The following VTI1A variants were observed in gnomAD, a reference collection of about 807,000 sequenced individuals.
VTI1A encodes the protein vesicle transport through interaction with t-SNAREs homolog 1A.
VTI1A carries 22 observed loss-of-function variants against 34.9 expected under a neutral mutation model. That is an observed-to-expected ratio of 0.63 (90% CI 0.45 to 0.90). VTI1A has a LOEUF of 0.90. Ranked by LOEUF, VTI1A falls within the 40% of genes least tolerant of loss-of-function variation. VTI1A has a pLI of 0.00. For synonymous variants in VTI1A, 87 were observed against 97.3 expected, an observed-to-expected ratio of 0.89 and a Z score of 0.62; for missense variants, 268 against 275.6, an observed-to-expected ratio of 0.97 and a Z score of 0.20.
At chr10:112,826,723 C>G in the VTI1A span, 2 of 152,160 alleles carry the variant, frequency 1.3e-5, no homozygotes, top group African/African-American at 4.8e-5. Flanking sequence ...ACTTAGGTTT[C>G]CAGGAAGAAG....
chr10:112,737,078 CT>C (rs903794612), intron 7 of VTI1A: 8,159 of 296,420 alleles, frequency 0.028, no homozygotes, highest in South Asian at 0.053. Flanking sequence ...TTTTCTTTTT[CT>C]TTTTTTTTTT....
chr10:112,821,187 A>C (rs1049957757), downstream of VTI1A, among the ~76,000 whole-genome samples: 6 of 152,254 alleles, frequency 3.9e-5, no homozygotes, highest in African/African-American at 1.4e-4. Context: ...CCTTCCCTTC[A>C]TCCAAACAAG....
At chr10:112,536,861 T>A (rs553076426) in intron 4 of VTI1A, among the ~76,000 whole-genome samples, 65 of 149,736 alleles carry the variant, frequency 4.3e-4, no homozygotes, top group South Asian at 1.1e-3. Flanking sequence ...AATAAGGAAA[T>A]CACGTTGTGA....
intron 7 of VTI1A, among the ~76,000 whole-genome samples, chr10:112,801,339 C>T (rs1365443189): frequency 6.6e-6 from 1 of 152,136 alleles, no homozygotes; most frequent in African/African-American, 2.4e-5. Context: ...TAATACTTAA[C>T]ATAATTATAA....
chr10:112,726,630 A>AT (rs1850037369), intron 7 of VTI1A, among the ~76,000 whole-genome samples: 1 of 152,340 alleles, frequency 6.6e-6, no homozygotes. Flanking sequence ...TATCTTAACC[A>AT]TTTTGAGGCC....
At chr10:112,717,748 G>A (rs7896021) in intron 7 of VTI1A, among the ~76,000 whole-genome samples, 2 of 152,008 alleles carry the variant, frequency 1.3e-5, no homozygotes, top group Non-Finnish European at 1.5e-5. Context: ...CAAGACAGTC[G>A]CAAGGGCCTG....
chr10:112,554,023 C>A (rs1275268706), intron 5 of VTI1A, among the ~76,000 whole-genome samples: 1 of 152,134 alleles, frequency 6.6e-6, no homozygotes, highest in African/African-American at 2.4e-5. Flanking sequence ...TTGTGATCTT[C>A]TAGTTTTTGT....
In VTI1A at chr10:112,576,309, C is replaced by T. The variant is rs925339079; in HGVS notation, c.427+37979C>T. On this transcript the variant is annotated intron_variant, in intron 5 of 7. Transcript: ENST00000393077. Reference sequence around the variant, plus strand: ...TGCTGGGATTACAGGCGTGAGCCACCGCGCCCGGCCCCCTGCCTCTTCTAA... The same window carrying T: ...TGCTGGGATTACAGGCGTGAGCCACTGCGCCCGGCCCCCTGCCTCTTCTAA... Among the ~76,000 whole-genome samples the T allele has an allele frequency of 2.0e-4, 30 of 152,176 alleles. No individual in the cohort carries two copies. In the East Asian group the frequency reaches 2.7e-3, roughly 14 times the overall value.
At chr10:112,683,385 A>G (rs1848286837) in intron 7 of VTI1A, among the ~76,000 whole-genome samples, 2 of 152,232 alleles carry the variant, frequency 1.3e-5, no homozygotes, top group Non-Finnish European at 2.9e-5. Context: ...TTGGTAGACT[A>G]TAGGCAGAAA....
At chr10:112,789,763 TTC>T (rs1204295489) in intron 7 of VTI1A, among the ~76,000 whole-genome samples, 14 of 152,208 alleles carry the variant, frequency 9.2e-5, no homozygotes, top group Non-Finnish European at 1.6e-4. Context: ...CTGTTGAGAT[TTC>T]TTCTTTGTTG....
intron 5 of VTI1A, among the ~76,000 whole-genome samples, chr10:112,618,504 T>TAGAGAG (rs1222432434): frequency 5.1e-5 from 2 of 38,854 alleles, no homozygotes; most frequent in African/African-American, 1.1e-4. Context: ...TATATATATA[T>TAGAGAG]ATATATATAT....
At chr10:112,665,379 A>G (rs1004944111) in intron 5 of VTI1A, among the ~76,000 whole-genome samples, 1 of 152,012 alleles carries the variant, frequency 6.6e-6, no homozygotes, top group Non-Finnish European at 1.5e-5. Context: ...ATTGTGATAT[A>G]TTTGGCCTGA....
At chr10:112,489,100 T>TTC (rs1848738939) in intron 3 of VTI1A, among the ~76,000 whole-genome samples, 6 of 152,288 alleles carry the variant, frequency 3.9e-5, no homozygotes, top group Admixed American at 3.9e-4. Flanking sequence ...ACCCTGGAGT[T>TTC]TCTGATTCTG....
At chr10:112,667,471 A>G (rs1276307038) in intron 5 of VTI1A, among the ~76,000 whole-genome samples, 1 of 152,192 alleles carries the variant, frequency 6.6e-6, no homozygotes, top group African/African-American at 2.4e-5. Flanking sequence ...TCAACCAAAT[A>G]AGATGATCAT....
intron 1 of VTI1A, among the ~76,000 whole-genome samples, chr10:112,458,355 G>A (rs1847611158): frequency 1.3e-5 from 2 of 152,164 alleles, no homozygotes; most frequent in South Asian, 4.1e-4. Context: ...CTGTAACTGT[G>A]TGAAGATACT....
the VTI1A span, among the ~76,000 whole-genome samples, chr10:112,844,804 C>T: frequency 0.21 from 32,391 of 152,106 alleles, 3,790 homozygotes; most frequent in Middle Eastern, 0.28. Flanking sequence ...AACTGTGCAG[C>T]GCAAAATTTC....
chr10:112,633,928 C>G (rs767155744), intron 5 of VTI1A, among the ~76,000 whole-genome samples: 53 of 151,364 alleles, frequency 3.5e-4, no homozygotes, highest in Non-Finnish European at 1.6e-4. Flanking sequence ...GAAAAAGGAT[C>G]ACAGTTAACT....
At chr10:112,673,239 T>TGGGAGGCGAAAGGTTGCA (rs1258422106) in intron 7 of VTI1A, among the ~76,000 whole-genome samples, 3 of 147,500 alleles carry the variant, frequency 2.0e-5, no homozygotes, top group Non-Finnish European at 3.0e-5. Flanking sequence ...CACTTCAGCC[T>TGGGAGGCGAAAGGTTGCA]GGGAGGCGAA....
chr10:112,494,914 A>G (rs1177017077), intron 3 of VTI1A, among the ~76,000 whole-genome samples: 5 of 152,222 alleles, frequency 3.3e-5, no homozygotes, highest in Non-Finnish European at 2.9e-5. Flanking sequence ...TTTCTATATT[A>G]TTACCCAGAT....
Sources: allele counts gnomAD v4.1 joint callset (sites outside exome capture counted in the v4.1 genomes callset), GRCh38; gene constraint gnomAD v4.1.1; transcripts MANE v1.5; gene names NCBI Gene and HGNC (gene_info 2026-07-23, HGNC 2026-07-21).